DCP2: variants seen among roughly 807,000 people sequenced by gnomAD.
The protein encoded by DCP2 is m7GpppN-mRNA hydrolase.
DCP2 carries 30 observed loss-of-function variants against 56.1 expected under a neutral mutation model. That is an observed-to-expected ratio of 0.53 (90% confidence interval 0.40 to 0.73). The LOEUF (loss-of-function observed/expected upper bound fraction) is 0.73, where lower values mean the gene tolerates loss of function less well. Ranked by LOEUF, DCP2 falls within the 30% of genes least tolerant of loss-of-function variation. DCP2 has a pLI of 0.00. For missense variants in DCP2, 533 were observed against 502.7 expected (o/e 1.06, Z -0.58); for synonymous variants, 197 against 163.3 (o/e 1.21, Z -1.57).
rs1402471414 is a variant in DCP2, at chr5:113,014,206, G to C, written c.*722G>C. The C allele has an allele frequency of 6.6e-6, 1 of 152,272 alleles. No homozygotes were observed. The highest frequency in any genetic ancestry group is 1.5e-5 in the Non-Finnish European group (1 of 68,086). The allele number at this position is 152,272 out of a possible 1,614,324, so 9.4% of individuals were successfully genotyped here. A position where few individuals can be genotyped will look rare whatever the true frequency, so the allele number is the denominator to read the frequency against. ...TGAGACTGCTGGAGGAAATGTAGCA[G>C]ACAGCATGGAGGCTGGGACCCAGCA... On this transcript the variant is annotated 3_prime_UTR_variant, in exon 11 of 11. Transcript: ENST00000389063.
chr5:112,977,480 G>A (rs1361753233), intron 1 of DCP2, among the ~76,000 whole-genome samples: 1 of 152,208 alleles, frequency 6.6e-6, no homozygotes, highest in Non-Finnish European at 1.5e-5. Flanking sequence ...GACTTATTCT[G>A]ACGCCTGCGT....
Position 113,020,500 on chromosome 5 carries a change from T to A in DCP2, c.*7016T>A, listed in dbSNP as rs1750066366. ...AACACCTGTAGTGTTCACCTTGTTA[T>A]AAGAACAGAAACATTTGGAACAGGT... On this transcript the variant is annotated 3_prime_UTR_variant, in exon 11 of 11. Coordinates refer to ENST00000389063, the MANE Select transcript of DCP2 (RefSeq NM_152624.6). 6.6e-6 allele frequency: 1 copy of A among 152,236 alleles called. No individual in the cohort carries two copies. Among genetic ancestry groups the A allele is most frequent in the Non-Finnish European group, 1.5e-5 (1 of 68,030 alleles). The allele number at this position is 152,236 out of a possible 1,614,324, so 9.4% of individuals were successfully genotyped here.
intron 4 of DCP2, among the ~76,000 whole-genome samples, chr5:113,000,422 A>C (rs1026753849): frequency 1.3e-5 from 2 of 150,210 alleles, no homozygotes; most frequent in Non-Finnish European, 3.0e-5. Flanking sequence ...ACACACACAC[A>C]CACCCACACA....
chr5:112,994,162 TC>T (rs141089880), intron 4 of DCP2, among the ~76,000 whole-genome samples: 12 of 144,078 alleles, frequency 8.3e-5, no homozygotes, highest in African/African-American at 1.8e-4. Context: ...TTTTTTTCTT[TC>T]TTTTTTTTTT....
chr5:113,007,234 CAATT>C lies in DCP2; in HGVS notation c.943-703_943-700del, dbSNP rs1356108037. Among the ~76,000 whole-genome samples, 55 of 151,986 alleles carry C rather than the reference CAATT, an allele frequency of 3.6e-4. 1 individual carries two copies. The highest frequency in any genetic ancestry group is 2.9e-3 in the Admixed American group (44 of 15,262). Reference sequence around the variant, plus strand: ...AATTTAAAGCAGATTTCTAGGGTAACAATTGATTACTACATCTACCCATTTTCTG... The same window carrying C: ...AATTTAAAGCAGATTTCTAGGGTAACGATTACTACATCTACCCATTTTCTG... On this transcript the variant is annotated intron_variant, in intron 8 of 10. Transcript: ENST00000389063.
chr5:112,984,787 C>T (rs1396984884), intron 1 of DCP2: 2 of 146,354 alleles, frequency 1.4e-5, no homozygotes, highest in African/African-American at 5.1e-5. Context: ...CCACTGCAGC[C>T]TTGAACACCT....
At chr5:113,000,146 G>C (rs1443426625) in intron 4 of DCP2, among the ~76,000 whole-genome samples, 1 of 150,768 alleles carries the variant, frequency 6.6e-6, no homozygotes, top group African/African-American at 2.4e-5. Flanking sequence ...TTTTTGTATA[G>C]ATGGAGTCCC....
At chr5:112,985,135 C>T (rs934723171) in intron 1 of DCP2, among the ~76,000 whole-genome samples, 25 of 152,168 alleles carry the variant, frequency 1.6e-4, no homozygotes, top group African/African-American at 6.0e-4. Context: ...AATGACTGCT[C>T]TGAATTACAA....
At chr5:112,994,089 G>A (rs1314314183) in intron 4 of DCP2, among the ~76,000 whole-genome samples, 1 of 150,776 alleles carries the variant, frequency 6.6e-6, no homozygotes, top group Non-Finnish European at 1.5e-5. Context: ...GAGCCACCGT[G>A]CTTGACTGGG....
Position 112,992,250 on chromosome 5 carries a change from T to TACTACTGGTTCAGGG in DCP2, c.333+2_333+3insACTACTGGTTCAGGG. 1 of 1,606,548 alleles carries TACTACTGGTTCAGGG rather than the reference T, an allele frequency of 6.2e-7. No homozygotes were observed. The highest frequency in any genetic ancestry group is 1.3e-5 in the African/African-American group (1 of 74,648). On this transcript the variant is annotated splice_region_variant and intron_variant, in intron 3 of 10. Transcript: ENST00000389063. Reference sequence around the variant, plus strand: ...ATTCTTGATGAGACACTTGAAAATGTGAGTGTAATGAAATAAAGATTTTTA... The same window carrying TACTACTGGTTCAGGG: ...ATTCTTGATGAGACACTTGAAAATGTACTACTGGTTCAGGGGAGTGTAATGAAATAAAGATTTTTA...
intron 1 of DCP2, chr5:112,984,539 G>T (rs1748156618): frequency 6.6e-6 from 1 of 151,588 alleles, no homozygotes; most frequent in Non-Finnish European, 1.5e-5. Flanking sequence ...ATTTACAGTA[G>T]CCCTTAAAAG....
Position 113,018,508 on chromosome 5 carries a change from T to C in DCP2, c.*5024T>C, listed in dbSNP as rs1385963569. The C allele has an allele frequency of 1.3e-5, 2 of 152,156 alleles. No individual in the cohort carries two copies. The highest frequency in any genetic ancestry group is 4.8e-5 in the African/African-American group (2 of 41,434). The allele number at this position is 152,156 out of a possible 1,614,324, so 9.4% of individuals were successfully genotyped here. On this transcript the variant is annotated 3_prime_UTR_variant, in exon 11 of 11. Coordinates refer to ENST00000389063, the MANE Select transcript of DCP2 (RefSeq NM_152624.6). ...TATTGGTCAAAGGTACTCTGAAGAG[T>C]GAATGCAGAAATCAGTTGGCTGTGT...
Position 113,014,829 on chromosome 5 carries a change from C to T in DCP2, c.*1345C>T, listed in dbSNP as rs1749817624. ...ACAGTGGTATCCACAAAATACTTCT[C>T]TGCTTATAAATGTTATTGTAGAAAT... On this transcript the variant is annotated 3_prime_UTR_variant, in exon 11 of 11. Transcript: ENST00000389063. The T allele has an allele frequency of 1.3e-5, 2 of 152,580 alleles. No individual in the cohort carries two copies. The highest frequency in any genetic ancestry group is 2.1e-4 in the South Asian group (1 of 4,830). The allele number at this position is 152,580 out of a possible 1,614,324, so 9.5% of individuals were successfully genotyped here.
At chr5:112,986,662 G>A (rs1748304850) in intron 2 of DCP2, among the ~76,000 whole-genome samples, 1 of 151,896 alleles carries the variant, frequency 6.6e-6, no homozygotes, top group Admixed American at 6.6e-5. Flanking sequence ...ATTATTGAAT[G>A]TTTACTATGT....
chr5:112,990,572 A>G (rs994889181), intron 2 of DCP2, among the ~76,000 whole-genome samples: 2 of 152,124 alleles, frequency 1.3e-5, no homozygotes, highest in Non-Finnish European at 2.9e-5. Context: ...AAATGAAGGC[A>G]TGCACTAATT....
At chr5:112,983,535 G>A (rs1470667484) in intron 1 of DCP2, among the ~76,000 whole-genome samples, 3 of 152,146 alleles carry the variant, frequency 2.0e-5, no homozygotes, top group Admixed American at 2.0e-4. Context: ...GAAACATAAA[G>A]ACTCACAGTA....
chr5:113,020,380 T>A lies in DCP2; in HGVS notation c.*6896T>A, dbSNP rs1331868199. ...TGCTTGGAGAAAGACTATAAGTGAA[T>A]CTACTTCAAGGGATTCTGTTCATGG... On this transcript the variant is annotated 3_prime_UTR_variant, in exon 11 of 11. Coordinates refer to ENST00000389063, the MANE Select transcript of DCP2 (RefSeq NM_152624.6). 6.6e-6 allele frequency: 1 copy of A among 152,236 alleles called. No homozygotes were observed. The highest frequency in any genetic ancestry group is 1.5e-5 in the Non-Finnish European group (1 of 68,028). The allele number at this position is 152,236 out of a possible 1,614,324, so 9.4% of individuals were successfully genotyped here.
chr5:113,010,663 A>G, intron 9 of DCP2, 93 bp from the exon 10 acceptor site: 15 of 1,336,760 alleles, frequency 1.1e-5, no homozygotes, highest in Non-Finnish European at 1.5e-5. Flanking sequence ...TTCCTGAGAA[A>G]TTTGATAATA....
intron 1 of DCP2, chr5:112,984,177 A>T (rs1748138030): frequency 2.0e-5 from 3 of 152,374 alleles, no homozygotes; most frequent in Admixed American, 1.3e-4. Context: ...AGAAGTCTTA[A>T]AGATGAAACT....
Sources: gnomAD v4.1 joint callset for allele counts (sites outside exome capture counted in the v4.1 genomes callset) on GRCh38, gnomAD v4.1.1 for gene constraint, MANE v1.5 for transcripts, NCBI Gene and HGNC (gene_info 2026-07-23, HGNC 2026-07-21) for gene names.